The following SHISAL1 variants were observed in gnomAD, a reference collection of about 807,000 sequenced individuals.
SHISAL1 encodes the protein shisa like 1, also known as protein shisa-like-1.
Under a neutral mutation model 22.6 loss-of-function variants are expected in SHISAL1, and 9 were observed. The ratio of observed to expected loss-of-function variants is 0.40; its 90% confidence interval spans 0.24 to 0.70. The LOEUF (loss-of-function observed/expected upper bound fraction) is 0.70. Among genes scored for constraint, SHISAL1 ranks in the 30% least tolerant of loss-of-function variants. SHISAL1 has a pLI of 0.39. For missense variants in SHISAL1, 246 were observed against 270.6 expected (o/e 0.91, Z 0.64); for synonymous variants, 119 against 115.4 (o/e 1.03, Z -0.20).
upstream of SHISAL1, among the ~76,000 whole-genome samples, chr22:44,313,375 C>G (rs533661622): frequency 6.6e-6 from 1 of 152,296 alleles, no homozygotes; most frequent in East Asian, 1.9e-4. Context: ...CAAACGGTCC[C>G]CACACCAGCC....
chr22:44,290,094 A>T (rs73888975), intron 3 of SHISAL1, among the ~76,000 whole-genome samples: 206 of 152,338 alleles, frequency 1.4e-3, no homozygotes, highest in African/African-American at 4.8e-3. Context: ...CAGTGTGGGG[A>T]TGGAAGTCCC....
chr22:44,279,701 G>A (rs770749380), intron 4 of SHISAL1, among the ~76,000 whole-genome samples: 15 of 152,276 alleles, frequency 9.9e-5, no homozygotes, highest in East Asian at 1.9e-4. Context: ...ACATCCCCCC[G>A]CCCCTGCTGG....
At chr22:44,305,363 A>G (rs982168949) in intron 1 of SHISAL1, among the ~76,000 whole-genome samples, 1 of 152,192 alleles carries the variant, frequency 6.6e-6, no homozygotes, top group Admixed American at 6.5e-5. Context: ...GATTCTTCCC[A>G]GGACCTCTTC....
chr22:44,293,825 G>A (rs1469912908), intron 3 of SHISAL1, among the ~76,000 whole-genome samples: 1 of 152,210 alleles, frequency 6.6e-6, no homozygotes, highest in Non-Finnish European at 1.5e-5. Flanking sequence ...GATTAAAAAT[G>A]TAAGTTAAAA....
intron 4 of SHISAL1, among the ~76,000 whole-genome samples, chr22:44,285,208 G>A (rs918142935): frequency 6.6e-6 from 1 of 152,196 alleles, no homozygotes; most frequent in African/African-American, 2.4e-5. Flanking sequence ...TGCAAGCTTT[G>A]CTTCTAAGCT....
chr22:44,276,063 G>A (rs547571990), intron 4 of SHISAL1, among the ~76,000 whole-genome samples: 305 of 152,364 alleles, frequency 2.0e-3, no homozygotes, highest in Middle Eastern at 3.4e-3. Flanking sequence ...GGAGGAGACA[G>A]GCACAAAGCC....
At chr22:44,278,718 G>C (rs897848817) in intron 4 of SHISAL1, among the ~76,000 whole-genome samples, 1 of 152,110 alleles carries the variant, frequency 6.6e-6, no homozygotes, top group African/African-American at 2.4e-5. Context: ...GCTGTCACAG[G>C]GGTCCCGATG....
At chr22:44,300,016 C>G (rs1385791421) in intron 2 of SHISAL1, among the ~76,000 whole-genome samples, 1 of 145,356 alleles carries the variant, frequency 6.9e-6, no homozygotes, top group Non-Finnish European at 1.5e-5. Flanking sequence ...AACAGAGAGA[C>G]AGAGACAGAC....
the SHISAL1 span, among the ~76,000 whole-genome samples, chr22:44,320,676 CCT>C: frequency 6.6e-6 from 1 of 152,234 alleles, no homozygotes; most frequent in Non-Finnish European, 1.5e-5. Flanking sequence ...CCTGTGACCC[CCT>C]CTTTGGCCCA....
rs2055006394 is a variant in SHISAL1, at chr22:44,246,930, C to G, written c.*2755G>C. 1 of 151,648 alleles carries G rather than the reference C, an allele frequency of 6.6e-6. No individual in the cohort carries two copies. The highest frequency in any genetic ancestry group is 1.5e-5 in the Non-Finnish European group (1 of 67,974). The allele number at this position is 151,648 out of a possible 1,614,324, so 9.4% of individuals were successfully genotyped here. On this transcript the variant is annotated 3_prime_UTR_variant, in exon 5 of 5. Transcript: ENST00000381176. The stretch of plus-strand genomic sequence containing the variant: ...CAGAATGTTCCAGTCCTCAGCCCAG[C>G]TGCCCAAGAGGGACTTGGCAGAGCA...
At chr22:44,327,412 G>A in the SHISAL1 span, among the ~76,000 whole-genome samples, 1 of 152,284 alleles carries the variant, frequency 6.6e-6, no homozygotes, top group East Asian at 1.9e-4. Context: ...AAGTCAGGAT[G>A]AACATTTCTG....
chr22:44,250,921 G>A (rs1318708351), intron 4 of SHISAL1, among the ~76,000 whole-genome samples: 1 of 152,234 alleles, frequency 6.6e-6, no homozygotes, highest in East Asian at 1.9e-4. Context: ...CCTCCCCAGA[G>A]TGAGTGATAC....
chr22:44,319,112 C>G, the SHISAL1 span, among the ~76,000 whole-genome samples: 1 of 152,248 alleles, frequency 6.6e-6, no homozygotes, highest in South Asian at 2.1e-4. Context: ...GGAGGCAGAA[C>G]CAAAGTAAGA....
At chr22:44,313,438 T>C (rs1481240069), upstream of SHISAL1, among the ~76,000 whole-genome samples, 1 of 152,212 alleles carries the variant, frequency 6.6e-6, no homozygotes, top group African/African-American at 2.4e-5. Context: ...GTGTGGCACC[T>C]GCCTGACTCC....
intron 4 of SHISAL1, among the ~76,000 whole-genome samples, chr22:44,251,428 TTTA>T: frequency 6.6e-6 from 1 of 152,258 alleles, no homozygotes; most frequent in East Asian, 1.9e-4. Context: ...TTCAGAAAGG[TTTA>T]CTATAAAAGG....
At chr22:44,258,803 G>A (rs1306880682) in intron 4 of SHISAL1, among the ~76,000 whole-genome samples, 1 of 152,172 alleles carries the variant, frequency 6.6e-6, no homozygotes, top group Non-Finnish European at 1.5e-5. Flanking sequence ...CATGAAAAGT[G>A]AAAACACTTC....
chr22:44,280,584 C>T (rs756128240), intron 4 of SHISAL1, among the ~76,000 whole-genome samples: 31 of 152,044 alleles, frequency 2.0e-4, no homozygotes, highest in Non-Finnish European at 3.8e-4. Flanking sequence ...AGGAGGGGGC[C>T]GCTCAGGTAG....
At chr22:44,256,383 A>G (rs2055085326) in intron 4 of SHISAL1, among the ~76,000 whole-genome samples, 1 of 152,184 alleles carries the variant, frequency 6.6e-6, no homozygotes, top group Non-Finnish European at 1.5e-5. Context: ...GACCTTTGGA[A>G]TTCCTCAACC....
rs150354338 is a variant in SHISAL1, at chr22:44,273,294, C to A, written c.599+12134G>T. 8.5e-4 allele frequency among the ~76,000 whole-genome samples: 129 copies of A among 152,220 alleles called. 3 individuals carry two copies. In the East Asian group the frequency reaches 0.021, roughly 25 times the overall value. Reference sequence around the variant, plus strand: ...TAGCACGTGCTGTCAATTTCCCGAGCGTAAATACTGGTGCTGTCACTGAAT... The same window carrying A: ...TAGCACGTGCTGTCAATTTCCCGAGAGTAAATACTGGTGCTGTCACTGAAT... On this transcript the variant is annotated intron_variant, in intron 4 of 4. Coordinates refer to ENST00000381176, the MANE Select transcript of SHISAL1 (RefSeq NM_001099294.2).
Sources: allele counts gnomAD v4.1 joint callset (sites outside exome capture counted in the v4.1 genomes callset), GRCh38; gene constraint gnomAD v4.1.1; transcripts MANE v1.5; gene names NCBI Gene and HGNC (gene_info 2026-07-23, HGNC 2026-07-21).